GSE1: variants seen among roughly 807,000 people sequenced by gnomAD.
The protein encoded by GSE1 is Gse1 coiled-coil protein.
A neutral mutation model predicts 112.6 loss-of-function variants in GSE1; 32 were observed. The ratio of observed to expected loss-of-function variants is 0.28; its 90% CI spans 0.21 to 0.38. The LOEUF (loss-of-function observed/expected upper bound fraction) is 0.38. Among genes scored for constraint, GSE1 ranks in the 10% least tolerant of loss-of-function variants. GSE1 has a pLI of 1.00. For synonymous variants in GSE1, 1,115 were observed against 735.6 expected, an observed-to-expected ratio of 1.52 and a Z score of -8.35; for missense variants, 2,348 against 1,699.2, an observed-to-expected ratio of 1.38 and a Z score of -6.71.
At position 85,666,283 on chromosome 16, in the gene GSE1, G is replaced by C. The variant is rs773267848; in HGVS notation, c.3066G>C (p.Glu1022Asp). The change falls in exon 13 of 16, where the codon GAG becomes GAC. Residue 1022 changes from glutamate to aspartate, a missense_variant. Coordinates refer to ENST00000253458, the MANE Select transcript of GSE1 (RefSeq NM_014615.5). ...CGTGGGAGCCCTTTGTGGCAGAAGA[G>C]TTTGCACATCAGTTCCACGAGTCAG... ...SKPWEPFVAE[E>D]FAHQFHESVL... The C allele has an allele frequency of 2.5e-6, 4 of 1,613,900 alleles. No individual in the cohort carries two copies. In the South Asian group the frequency reaches 3.3e-5, roughly 13 times the overall value.
At chr16:85,369,233 T>G (rs1303243755) in intron 2 of GSE1, among the ~76,000 whole-genome samples, 1 of 151,428 alleles carries the variant, frequency 6.6e-6, no homozygotes, top group Non-Finnish European at 1.5e-5. Flanking sequence ...GCCTTTTTTT[T>G]GAGACAGGAT....
intron 2 of GSE1, among the ~76,000 whole-genome samples, chr16:85,421,957 G>A (rs947401590): frequency 6.6e-6 from 1 of 152,114 alleles, no homozygotes; most frequent in African/African-American, 2.4e-5. Flanking sequence ...CAGCCCCACA[G>A]CACCCCCCTT....
At chr16:85,214,889 G>A (rs773232788) in intron 1 of GSE1, among the ~76,000 whole-genome samples, 15 of 152,190 alleles carry the variant, frequency 9.9e-5, no homozygotes, top group South Asian at 2.1e-4. Flanking sequence ...CTCTGAGAGC[G>A]GACCCTGTGG....
Position 85,654,315 on chromosome 16 carries a change from G to A in GSE1, c.464G>A (p.Arg155His), listed in dbSNP as rs199907438. The change falls in exon 4 of 16, where the codon CGC becomes CAC. Residue 155 changes from arginine to histidine, a missense_variant. Physicochemically the swap from Arg to His is conservative, Grantham distance 29. Coordinates refer to ENST00000253458, the MANE Select transcript of GSE1 (RefSeq NM_014615.5). ...AGGAGCAGCAGTGGAGGTCGGGAAC[G>A]CCTCATTGTGGAGCCCCCGCTCCCT... Reference protein sequence around the residue: ...GSRSSSGGRERLIVEPPLPQE... With the variant: ...GSRSSSGGREHLIVEPPLPQE... 2.2e-5 allele frequency: 35 copies of A among 1,609,488 alleles called. No individual in the cohort carries two copies. Among genetic ancestry groups the A allele is most frequent in the African/African-American group, 8.0e-5 (6 of 74,856 alleles).
At chr16:85,274,695 C>G (rs1909182430) in intron 1 of GSE1, among the ~76,000 whole-genome samples, 1 of 152,242 alleles carries the variant, frequency 6.6e-6, no homozygotes, top group African/African-American at 2.4e-5. Flanking sequence ...CTGTCCCCCT[C>G]TCGCCAGTGG....
intron 2 of GSE1, among the ~76,000 whole-genome samples, chr16:85,386,253 C>T (rs1179372997): frequency 6.6e-6 from 1 of 152,202 alleles, no homozygotes; most frequent in Non-Finnish European, 1.5e-5. Flanking sequence ...GTGCCTGGCC[C>T]AATGCATCCT....
At chr16:85,339,545 G>A (rs1044059083) in intron 1 of GSE1, among the ~76,000 whole-genome samples, 1 of 150,266 alleles carries the variant, frequency 6.7e-6, no homozygotes, top group African/African-American at 2.4e-5. Context: ...GAAGGCGGCA[G>A]TGAAAAGGCA....
intron 2 of GSE1, among the ~76,000 whole-genome samples, chr16:85,453,775 C>T (rs894000628): frequency 1.3e-5 from 2 of 152,186 alleles, no homozygotes; most frequent in Non-Finnish European, 1.5e-5. Context: ...ACAAGGCGGT[C>T]GCACCCCATC....
At chr16:85,286,483 TCCAA>T (rs2045029539) in intron 1 of GSE1, among the ~76,000 whole-genome samples, 1 of 152,240 alleles carries the variant, frequency 6.6e-6, no homozygotes, top group African/African-American at 2.4e-5. Flanking sequence ...AGGATGGTCT[TCCAA>T]ATGTCCGTTC....
intron 1 of GSE1, among the ~76,000 whole-genome samples, chr16:85,333,030 C>G (rs2046408300): frequency 6.6e-6 from 1 of 152,154 alleles, no homozygotes; most frequent in South Asian, 2.1e-4. Flanking sequence ...GGGACCACTT[C>G]TCCACCTGTC....
intron 1 of GSE1, among the ~76,000 whole-genome samples, chr16:85,633,164 G>A (rs897287489): frequency 5.3e-5 from 8 of 152,208 alleles, no homozygotes; most frequent in East Asian, 1.9e-4. Context: ...GCATCTCCGG[G>A]CAGACTCTGT....
chr16:85,587,096 G>A (rs545669365), intron 1 of GSE1, among the ~76,000 whole-genome samples: 129 of 152,028 alleles, frequency 8.5e-4, no homozygotes, highest in Middle Eastern at 6.8e-3. Context: ...ACAATAGTAG[G>A]ATGGGCCTCG....
intron 2 of GSE1, among the ~76,000 whole-genome samples, chr16:85,475,871 A>G (rs1279384318): frequency 6.8e-6 from 1 of 147,706 alleles, no homozygotes; most frequent in African/African-American, 2.5e-5. Context: ...TGATCGTTCC[A>G]CCTCAGCCTC....
chr16:85,484,372 G>C (rs1042667760), intron 2 of GSE1, among the ~76,000 whole-genome samples: 10 of 152,260 alleles, frequency 6.6e-5, no homozygotes, highest in Admixed American at 1.3e-4. Flanking sequence ...TCCTTCTGGA[G>C]ATAAATTAGT....
chr16:85,287,105 T>C (rs1196870537), intron 1 of GSE1, among the ~76,000 whole-genome samples: 1 of 152,208 alleles, frequency 6.6e-6, no homozygotes, highest in African/African-American at 2.4e-5. Flanking sequence ...CGGCGGCAGA[T>C]GAGTGTTCTG....
At chr16:85,249,639 G>A (rs1422506926) in intron 1 of GSE1, among the ~76,000 whole-genome samples, 1 of 152,230 alleles carries the variant, frequency 6.6e-6, no homozygotes, top group East Asian at 1.9e-4. Context: ...GACACTGGGG[G>A]CAGGCGTCCA....
At chr16:85,613,048 C>G (rs1274450877), upstream of GSE1, 5 of 394,034 alleles carry the variant, frequency 1.3e-5, no homozygotes, top group Middle Eastern at 7.1e-4. Flanking sequence ...CCTGGCCGGC[C>G]GGGCCGGGGA....
intron 1 of GSE1, among the ~76,000 whole-genome samples, chr16:85,312,644 G>C (rs2045885794): frequency 2.9e-5 from 4 of 137,956 alleles, no homozygotes; most frequent in Non-Finnish European, 1.6e-5. Context: ...GGTTCCAGCA[G>C]GACATGGGTT....
chr16:85,663,278 C>A, intron 10 of GSE1, 66 bp from the exon 11 acceptor site: 1 of 1,562,698 alleles, frequency 6.4e-7, no homozygotes. Context: ...AGGAGGGGAC[C>A]CCGGGACAGT....
Sources: allele counts gnomAD v4.1 joint callset (sites outside exome capture counted in the v4.1 genomes callset), GRCh38; gene constraint gnomAD v4.1.1; transcripts MANE v1.5; gene names NCBI Gene and HGNC (gene_info 2026-07-23, HGNC 2026-07-21).